Variants in CEP192 observed in about 807,000 individuals in gnomAD.
CEP192 encodes centrosomal protein of 192 kDa.
In CEP192, 151 loss-of-function variants were observed where a neutral mutation model predicts 271.8. The ratio of observed to expected loss-of-function variants is 0.56; its 90% CI spans 0.49 to 0.64. The LOEUF (loss-of-function observed/expected upper bound fraction) is 0.64. Ranked by LOEUF, CEP192 falls within the 30% of genes least tolerant of loss-of-function variation. CEP192 has a pLI of 0.00. For missense variants in CEP192, 2,910 were observed against 3,020.5 expected (o/e 0.96, Z 0.86); for synonymous variants, 995 against 1,076.5 (o/e 0.92, Z 1.48).
chr18:13,015,497 C>T, intron 6 of CEP192, 49 bp downstream of exon 6: 1 of 1,532,982 alleles, frequency 6.5e-7, no homozygotes, highest in East Asian at 2.5e-5. Flanking sequence ...TGCCACTCCA[C>T]TTTATTCTTC....
intron 3 of CEP192, among the ~76,000 whole-genome samples, chr18:13,005,182 T>A (rs1200436751): frequency 6.6e-6 from 1 of 152,146 alleles, no homozygotes; most frequent in Non-Finnish European, 1.5e-5. Flanking sequence ...TCCCCACTTG[T>A]CAGAGCTTGG....
Position 13,057,586 on chromosome 18 carries a change from G to T in CEP192, c.4110G>T (p.Gly1370=), listed in dbSNP as rs745349077. 1 of 1,613,864 alleles carries T rather than the reference G, an allele frequency of 6.2e-7. No homozygotes were observed. Among genetic ancestry groups the T allele is most frequent in the Non-Finnish European group, 8.5e-7 (1 of 1,179,878 alleles). ...PWDSGVTSGL[G]SVRVPEELKL... is the part of the protein sequence containing the mutation. ...TGACTGTGCCTTATTCTCACCCAGG[G>T]AGTGTCCGAGTGCCCGAGGAGTTGA... Residue 1370 remains glycine, a splice_region_variant and synonymous_variant, in exon 20 of 45, where the codon GGG becomes GGT. Transcript: ENST00000506447.
Position 13,114,258 on chromosome 18 carries a change from T to G in CEP192, c.7289+7T>G, listed in dbSNP as rs2040334849. On this transcript the variant is annotated splice_region_variant and intron_variant, in intron 42 of 44. Coordinates refer to ENST00000506447, the MANE Select transcript of CEP192 (RefSeq NM_032142.4). ...CTTCTGCTCGCATACCTGAGTATGTTGTTTTTGTCATTCTTATGAGTTTTT... is the reference window on the plus strand; with the variant it reads ...CTTCTGCTCGCATACCTGAGTATGTGGTTTTTGTCATTCTTATGAGTTTTT... 2 of 1,609,210 alleles carry G rather than the reference T, an allele frequency of 1.2e-6. No homozygotes were observed. Among genetic ancestry groups the G allele is most frequent in the African/African-American group, 1.3e-5 (1 of 74,678 alleles).
chr18:13,015,795 G>A (rs559128323), intron 6 of CEP192, among the ~76,000 whole-genome samples: 1 of 151,590 alleles, frequency 6.6e-6, no homozygotes, highest in Non-Finnish European at 1.5e-5. Context: ...ACCTGGGCTG[G>A]AGTGCAGTGG....
At chr18:13,052,149 G>A (rs1243690492) in intron 17 of CEP192, among the ~76,000 whole-genome samples, 1 of 152,226 alleles carries the variant, frequency 6.6e-6, no homozygotes, top group Non-Finnish European at 1.5e-5. Flanking sequence ...TTAATGAACA[G>A]AATAATGAGG....
intron 21 of CEP192, among the ~76,000 whole-genome samples, chr18:13,064,629 A>T (rs2037591557): frequency 6.6e-6 from 1 of 151,542 alleles, no homozygotes. Context: ...AAAAAAAAAA[A>T]AGAGTTGACT....
At chr18:13,111,320 T>C (rs1201068625) in intron 40 of CEP192, among the ~76,000 whole-genome samples, 1 of 151,866 alleles carries the variant, frequency 6.6e-6, no homozygotes. Context: ...GAGATGGGGG[T>C]TTCACCATGT....
Position 13,049,805 on chromosome 18 carries a change from A to G in CEP192, c.2931A>G (p.Ser977=), listed in dbSNP as rs780466925. 4.3e-6 allele frequency: 7 copies of G among 1,613,774 alleles called. No homozygotes were observed. Among genetic ancestry groups the G allele is most frequent in the Non-Finnish European group, 1.7e-6 (2 of 1,179,984 alleles). Residue 977 remains serine (S), a synonymous_variant, in exon 17 of 45, where the codon TCA becomes TCG. Transcript: ENST00000506447. The part of the protein sequence containing the change: ...NTSPEHGGRG[S]EDEQESFRPS... ...CTCCTGAGCATGGTGGACGTGGCTC[A>G]GAGGATGAGCAGGAGAGCTTCAGAC...
chr18:13,008,778 A>G, intron 4 of CEP192, 147 bp downstream of exon 4: 1 of 606,948 alleles, frequency 1.6e-6, no homozygotes, highest in Non-Finnish European at 2.8e-6. Context: ...ATCACAGCTC[A>G]CTGCAGCCTC....
Position 13,092,529 on chromosome 18 carries a change from T to A in CEP192, c.6254+2T>A. Reference sequence around the variant, plus strand: ...CAAAGCTAGCTTGGAATCTACAAGGTAAAATAAATGAACAGAAATCTTTCA... The same window carrying A: ...CAAAGCTAGCTTGGAATCTACAAGGAAAAATAAATGAACAGAAATCTTTCA... On this transcript the variant is annotated splice_donor_variant, in intron 34 of 44. Coordinates refer to ENST00000506447, the MANE Select transcript of CEP192 (RefSeq NM_032142.4). LOFTEE classifies it high-confidence loss of function. The A allele has an allele frequency of 6.3e-7, 1 of 1,591,160 alleles. No individual in the cohort carries two copies. The highest frequency in any genetic ancestry group is 8.5e-7 in the Non-Finnish European group (1 of 1,170,946).
At chr18:13,098,124 A>G (rs1202777094) in intron 36 of CEP192, among the ~76,000 whole-genome samples, 1 of 152,118 alleles carries the variant, frequency 6.6e-6, no homozygotes, top group Non-Finnish European at 1.5e-5. Flanking sequence ...CAAAACCGCC[A>G]TTGTCATCAT....
intron 21 of CEP192, 31 bp downstream of exon 21, chr18:13,059,343 C>G (rs757887952): frequency 6.4e-7 from 1 of 1,556,804 alleles, no homozygotes; most frequent in South Asian, 1.1e-5. Flanking sequence ...CTTTGTCATA[C>G]CTGGCATTTT....
chr18:13,018,599 T>G lies in CEP192; in HGVS notation c.909T>G (p.Ile303Met). The change falls in exon 8 of 45, where the codon ATT (isoleucine) becomes ATG (methionine). Residue 303 changes from isoleucine (I) to methionine (M), a missense_variant. Physicochemically the swap from Ile to Met is conservative, Grantham distance 10. Transcript: ENST00000506447. Reference protein sequence around the residue: ...THKESEESQVICLPGTSNSIG... With the variant: ...THKESEESQVMCLPGTSNSIG... ...AAGAGTCTGAGGAAAGCCAAGTTAT[T>G]TGTCTACCTGGGACTAGTAAGTATA... is the stretch of plus-strand genomic sequence containing the variant. 6.5e-7 allele frequency: 1 copy of G among 1,537,062 alleles called. No homozygotes were observed. Among genetic ancestry groups the G allele is most frequent in the South Asian group, 1.2e-5 (1 of 81,344 alleles).
At chr18:13,027,283 A>G (rs2035356192) in intron 9 of CEP192, among the ~76,000 whole-genome samples, 1 of 152,106 alleles carries the variant, frequency 6.6e-6, no homozygotes, top group African/African-American at 2.4e-5. Flanking sequence ...TTATATTTCA[A>G]AATTACCCCT....
chr18:13,113,518 C>G, intron 40 of CEP192, 68 bp from the exon 41 acceptor site: 2 of 1,457,726 alleles, frequency 1.4e-6, no homozygotes, highest in South Asian at 2.5e-5. Flanking sequence ...AATCTTTGAA[C>G]TGGTGATCTA....
At chr18:13,011,314 G>A (rs369999467) in intron 4 of CEP192, among the ~76,000 whole-genome samples, 3 of 151,656 alleles carry the variant, frequency 2.0e-5, no homozygotes, top group East Asian at 3.9e-4. Flanking sequence ...TAAAAAAAAA[G>A]GAAAATAACG....
intron 40 of CEP192, 128 bp from the exon 41 acceptor site, chr18:13,113,458 C>G: frequency 2.3e-6 from 2 of 880,434 alleles, no homozygotes; most frequent in South Asian, 3.1e-5. Flanking sequence ...CAATTAATGG[C>G]AAAACTAGCC....
Position 13,124,883 on chromosome 18 carries a change from A to G in CEP192, c.*113A>G, listed in dbSNP as rs1486082953. The G allele has an allele frequency of 1.1e-6, 1 of 894,838 alleles. No homozygotes were observed. The highest frequency in any genetic ancestry group is 1.7e-5 in the African/African-American group (1 of 59,532). 55.4% of individuals were successfully genotyped at this position (894,838 alleles called of 1,614,324 possible). A position where few individuals can be genotyped will look rare whatever the true frequency, so the allele number is the denominator to read the frequency against. On this transcript the variant is annotated 3_prime_UTR_variant, in exon 45 of 45. Transcript: ENST00000506447. The stretch of plus-strand genomic sequence containing the variant: ...ATATTTTGTATGATGGATATCTATA[A>G]TTGTAGATTTTGTTTTTACAAGCTA...
chr18:13,096,437 T>A, intron 36 of CEP192, 130 bp downstream of exon 36: 1 of 1,197,340 alleles, frequency 8.4e-7, no homozygotes, highest in Non-Finnish European at 1.2e-6. Flanking sequence ...GCACAAAGCA[T>A]GTGCATGGTT....
Sources: allele counts gnomAD v4.1 joint callset (sites outside exome capture counted in the v4.1 genomes callset), GRCh38; gene constraint gnomAD v4.1.1; transcripts MANE v1.5; gene names NCBI Gene and HGNC (gene_info 2026-07-23, HGNC 2026-07-21).